RTN1: variants seen among roughly 807,000 people sequenced by gnomAD.
RTN1 encodes the protein reticulon 1.
A neutral mutation model predicts 65.5 loss-of-function variants in RTN1; 25 were observed. The observed-to-expected ratio is 0.38, with a 90% confidence interval of 0.28 to 0.53. The LOEUF is 0.53. Ranked by LOEUF, RTN1 falls within the 20% of genes least tolerant of loss-of-function variation. The pLI is 0.79. For synonymous variants in RTN1, 471 were observed against 447.6 expected (o/e 1.05, Z -0.66); for missense variants, 983 against 1,025.4 (o/e 0.96, Z 0.57).
intron 1 of RTN1, among the ~76,000 whole-genome samples, chr14:59,827,148 G>A (rs534833364): frequency 4.6e-5 from 7 of 152,136 alleles, no homozygotes; most frequent in Non-Finnish European, 7.4e-5. Flanking sequence ...GCGTGATCTC[G>A]GCTCACTGCG....
intron 3 of RTN1, among the ~76,000 whole-genome samples, chr14:59,721,992 C>T (rs185507012): frequency 5.3e-5 from 8 of 152,186 alleles, no homozygotes; most frequent in Non-Finnish European, 8.8e-5. Context: ...CTATGAAAAA[C>T]GAGATAAGAA....
chr14:59,694,323 T>G (rs1234258015), intron 3 of RTN1, among the ~76,000 whole-genome samples: 1 of 152,206 alleles, frequency 6.6e-6, no homozygotes, highest in African/African-American at 2.4e-5. Context: ...GTCATAGTTC[T>G]AGGCATGTGG....
chr14:59,749,268 A>C (rs1394618859), intron 1 of RTN1, among the ~76,000 whole-genome samples: 2 of 21,094 alleles, frequency 9.5e-5, no homozygotes, highest in East Asian at 1.5e-3. Flanking sequence ...ATATATATCT[A>C]TATATATATC....
At chr14:59,742,994 A>AT (rs2139503559) in intron 2 of RTN1, among the ~76,000 whole-genome samples, 1 of 152,308 alleles carries the variant, frequency 6.6e-6, no homozygotes, top group South Asian at 2.1e-4. Context: ...TGACTCTGGT[A>AT]TTTTGATGTG....
At chr14:59,847,012 A>C (rs1407962989) in intron 1 of RTN1, among the ~76,000 whole-genome samples, 1 of 152,242 alleles carries the variant, frequency 6.6e-6, no homozygotes, top group Non-Finnish European at 1.5e-5. Flanking sequence ...GAGAAATAAC[A>C]GTTTTAAGTG....
intron 1 of RTN1, among the ~76,000 whole-genome samples, chr14:59,835,329 G>A (rs1887195371): frequency 6.6e-6 from 1 of 152,098 alleles, no homozygotes; most frequent in African/African-American, 2.4e-5. Flanking sequence ...AAAGGGGCGG[G>A]GAGAGGGCAG....
chr14:59,622,397 G>C (rs1301742286), intron 3 of RTN1, among the ~76,000 whole-genome samples: 1 of 152,156 alleles, frequency 6.6e-6, no homozygotes, highest in African/African-American at 2.4e-5. Context: ...CCTGTTCATT[G>C]ATAATATCAG....
Position 59,870,255 on chromosome 14 carries a change from G to A in RTN1, c.241+135C>T, listed in dbSNP as rs1181114464. 1.2e-6 allele frequency: 1 copy of A among 844,838 alleles called. No individual in the cohort carries two copies. The highest frequency in any genetic ancestry group is 1.6e-6 in the Non-Finnish European group (1 of 620,612). The allele number at this position is 844,838 out of a possible 1,614,324, so 52.3% of individuals were successfully genotyped here. A position where few individuals can be genotyped will look rare whatever the true frequency, so the allele number is the denominator to read the frequency against. ...AGCCCGCGAATATTCCCAGTCGCCC[G>A]TGGCGACGCGGGGGTGGGGTCGGCG... is the stretch of plus-strand genomic sequence containing the variant. On this transcript the variant is annotated intron_variant, in intron 1 of 8. Coordinates refer to ENST00000267484, the MANE Select transcript of RTN1 (RefSeq NM_021136.3). This position sits in a 1 kb window ranked among gnomAD's most constrained non-coding sequence, Gnocchi z 5.1.
At chr14:59,653,126 C>T (rs1281276506) in intron 3 of RTN1, among the ~76,000 whole-genome samples, 1 of 151,998 alleles carries the variant, frequency 6.6e-6, no homozygotes, top group African/African-American at 2.4e-5. Context: ...ACACCTTTAT[C>T]GAACACTTGA....
intron 2 of RTN1, among the ~76,000 whole-genome samples, chr14:59,731,055 A>G (rs1299009274): frequency 1.3e-5 from 2 of 152,240 alleles, no homozygotes; most frequent in East Asian, 3.8e-4. Context: ...TTGTACATGA[A>G]TGTTCATAAC....
intron 1 of RTN1, among the ~76,000 whole-genome samples, chr14:59,761,332 C>T (rs541996816): frequency 1.1e-4 from 17 of 152,206 alleles, no homozygotes; most frequent in African/African-American, 3.9e-4. Flanking sequence ...CGGTTTCCCC[C>T]GTACTGTTCT....
intron 3 of RTN1, among the ~76,000 whole-genome samples, chr14:59,674,620 A>G (rs1883583403): frequency 6.6e-6 from 1 of 152,226 alleles, no homozygotes; most frequent in Non-Finnish European, 1.5e-5. Context: ...CATTCAAAGA[A>G]AGAAACCAAA....
intron 3 of RTN1, among the ~76,000 whole-genome samples, chr14:59,639,744 A>T (rs1291456321): frequency 6.6e-6 from 1 of 152,214 alleles, no homozygotes; most frequent in Non-Finnish European, 1.5e-5. Flanking sequence ...TTATGAACAG[A>T]TATTGAATTT....
intron 3 of RTN1, among the ~76,000 whole-genome samples, chr14:59,634,843 G>A (rs138115312): frequency 1.1e-4 from 17 of 152,296 alleles, no homozygotes; most frequent in African/African-American, 3.4e-4. Flanking sequence ...AGCATCACCA[G>A]TTTGAGTCAT....
In RTN1 at chr14:59,746,424, C is replaced by T. The variant is rs1462552569; in HGVS notation, c.299G>A (p.Gly100Glu). 1.2e-6 allele frequency: 2 copies of T among 1,612,294 alleles called. No homozygotes were observed. Among genetic ancestry groups the T allele is most frequent in the East Asian group, 2.2e-5 (1 of 44,884 alleles). Residue 100 changes from glycine to glutamate, a missense_variant, in exon 2 of 9, where the codon GGG becomes GAG. Around this residue, in one of 2 missense-constraint regions of RTN1, gnomAD observed 818 missense variants for 801.8 expected, o/e 1.02. Coordinates refer to ENST00000267484, the MANE Select transcript of RTN1 (RefSeq NM_021136.3). ...GAGAGATGTGTAACACGATCCTTCC[C>T]CATCTTTTGATGTTGTTGAGAAGGT... ...DHTFSTTSKD[G>E]EGSCYTSLIS... is the part of the protein sequence containing the mutation.
At chr14:59,867,174 C>T (rs879300059) in intron 1 of RTN1, among the ~76,000 whole-genome samples, 7 of 152,226 alleles carry the variant, frequency 4.6e-5, no homozygotes, top group East Asian at 1.9e-4. Flanking sequence ...TTCAGATGTT[C>T]TATTTAAAAT....
chr14:59,741,137 T>C lies in RTN1; in HGVS notation c.1015+4571A>G, dbSNP rs117993735. 1.8e-3 allele frequency among the ~76,000 whole-genome samples: 275 copies of C among 152,254 alleles called. 9 individuals carry two copies. In the East Asian group the frequency reaches 0.025, roughly 14 times the overall value. On this transcript the variant is annotated intron_variant, in intron 2 of 8. Transcript: ENST00000267484. ...CGGAAGGATCAATTGAAAACCCAAG[T>C]CTGATCCTGCCACACTTCCCTTCCT... is the stretch of plus-strand genomic sequence containing the variant.
At chr14:59,788,613 G>C (rs553032422) in intron 1 of RTN1, among the ~76,000 whole-genome samples, 4 of 152,104 alleles carry the variant, frequency 2.6e-5, no homozygotes, top group African/African-American at 7.2e-5. Flanking sequence ...TCATGTATCC[G>C]ATTGTTTTTA....
chr14:59,645,226 G>C (rs1882865243), intron 3 of RTN1, among the ~76,000 whole-genome samples: 1 of 152,206 alleles, frequency 6.6e-6, no homozygotes. Flanking sequence ...GGAGCTCCCA[G>C]AGGGAGTGAC....
Sources: allele counts gnomAD v4.1 joint callset (sites outside exome capture counted in the v4.1 genomes callset), GRCh38; gene constraint gnomAD v4.1.1; regional missense constraint gnomAD v4.1.1; non-coding constraint Gnocchi (gnomAD v3.1); transcripts MANE v1.5; gene names NCBI Gene and HGNC (gene_info 2026-07-23, HGNC 2026-07-21).